HS6ST2: variants seen among roughly 807,000 people sequenced by gnomAD.
HS6ST2 encodes heparan sulfate 6-O-sulfotransferase 2, also known as heparan-sulfate 6-O-sulfotransferase 2.
HS6ST2 carries 17 observed loss-of-function variants against 33.0 expected under a neutral mutation model. The observed-to-expected ratio is 0.52, with a 90% CI of 0.35 to 0.77. The LOEUF is 0.77. HS6ST2 is among the 30% of genes least tolerant of loss of function. The pLI, the probability that HS6ST2 is intolerant of heterozygous loss-of-function variation, is 0.01. For missense variants in HS6ST2, 519 were observed against 551.7 expected (o/e 0.94, Z 0.59); for synonymous variants, 248 against 237.1 (o/e 1.05, Z -0.42).
intron 2 of HS6ST2, among the ~76,000 whole-genome samples, chrX:132,875,625 C>G (rs1326061994): frequency 1.8e-5 from 2 of 112,294 alleles, no homozygotes; most frequent in African/African-American, 6.5e-5. Flanking sequence ...TGGCACAGAT[C>G]TTTCTGGAAA....
intron 2 of HS6ST2, among the ~76,000 whole-genome samples, chrX:132,956,077 A>T (rs2067067961): frequency 8.9e-6 from 1 of 112,067 alleles, no homozygotes; most frequent in Non-Finnish European, 1.9e-5. Flanking sequence ...CAGTAGTGAT[A>T]AGCAAGCCTG....
At chrX:132,780,294 A>T (rs1427371087) in intron 2 of HS6ST2, among the ~76,000 whole-genome samples, 2 of 107,824 alleles carry the variant, frequency 1.9e-5, no homozygotes, top group Non-Finnish European at 3.8e-5. Context: ...TAATTTTTAG[A>T]CCTACCCTCT....
chrX:132,921,665 AC>A (rs767684619), intron 2 of HS6ST2, among the ~76,000 whole-genome samples: 1 of 112,091 alleles, frequency 8.9e-6, no homozygotes, highest in Non-Finnish European at 1.9e-5. Flanking sequence ...ATCAGGTAAA[AC>A]AAAATAAAAC....
chrX:132,852,413 T>G lies in HS6ST2; in HGVS notation c.947+104395A>C, dbSNP rs1244158644. Reference sequence around the variant, plus strand: ...CATAAACCTTATATGTCCCTCTTCCTAGCATCCAATTTCCAGCCCTATTTC... The same window carrying G: ...CATAAACCTTATATGTCCCTCTTCCGAGCATCCAATTTCCAGCCCTATTTC... On this transcript the variant is annotated intron_variant, in intron 2 of 4. Coordinates refer to ENST00000370833, the MANE Select transcript of HS6ST2 (RefSeq NM_001394073.1). 2.7e-5 allele frequency among the ~76,000 whole-genome samples: 3 copies of G among 112,046 alleles called. No homozygotes were observed. The Admixed American group carries it at 2.8e-4, about 11-fold the overall frequency.
intron 2 of HS6ST2, among the ~76,000 whole-genome samples, chrX:132,868,046 T>C (rs1017306454): frequency 1.8e-5 from 2 of 111,919 alleles, no homozygotes; most frequent in African/African-American, 3.2e-5. Context: ...TCCCATCTCA[T>C]GTGCAAAGAC....
intron 3 of HS6ST2, among the ~76,000 whole-genome samples, chrX:132,676,568 C>T (rs2063924914): frequency 9.0e-6 from 1 of 111,711 alleles, no homozygotes; most frequent in African/African-American, 3.2e-5. Context: ...TTATGCTTAT[C>T]CTTAGTTTGA....
At chrX:132,663,682 TA>T (rs1442126988) in intron 4 of HS6ST2, among the ~76,000 whole-genome samples, 1 of 112,647 alleles carries the variant, frequency 8.9e-6, no homozygotes, top group East Asian at 2.8e-4. Context: ...CTACAGCAAT[TA>T]CTGGCAAAGT....
intron 2 of HS6ST2, among the ~76,000 whole-genome samples, chrX:132,851,501 T>A (rs1480720122): frequency 8.9e-6 from 1 of 112,595 alleles, no homozygotes. Flanking sequence ...AATTAAACAA[T>A]GCATGGAAAG....
chrX:132,783,079 T>A (rs761644802), intron 2 of HS6ST2, among the ~76,000 whole-genome samples: 1 of 112,108 alleles, frequency 8.9e-6, no homozygotes, highest in African/African-American at 3.2e-5. Context: ...TATGTCAGGT[T>A]AACCCAGGTT....
chrX:132,890,260 G>C (rs899859865), intron 2 of HS6ST2, among the ~76,000 whole-genome samples: 2 of 109,418 alleles, frequency 1.8e-5, no homozygotes. Flanking sequence ...ACTGAGACTA[G>C]AGAGGACAAT....
rs181014419 is a variant in HS6ST2, at chrX:132,629,694, T to C, written c.1068-601A>G. Among the ~76,000 whole-genome samples the C allele has an allele frequency of 3.6e-3, 400 of 112,371 alleles. 4 individuals carry two copies. The highest frequency in any genetic ancestry group is 0.031 in the Admixed American group (325 of 10,592). On this transcript the variant is annotated intron_variant, in intron 4 of 4. Transcript: ENST00000370833. ...ACTCTTGATTCTGGCTGTTGTCATA[T>C]TATGGCTCATACATTATGGAAGTGG...
chrX:132,760,750 A>T (rs1354875487), intron 2 of HS6ST2, among the ~76,000 whole-genome samples: 1 of 110,791 alleles, frequency 9.0e-6, no homozygotes, highest in African/African-American at 3.3e-5. Context: ...GTAAATGCCC[A>T]CCTTTCCACT....
chrX:132,954,654 C>G (rs771381650), intron 2 of HS6ST2, among the ~76,000 whole-genome samples: 5 of 111,736 alleles, frequency 4.5e-5, no homozygotes, highest in Non-Finnish European at 7.5e-5. Flanking sequence ...TAAAAAGGTG[C>G]CCTTGAGGTA....
chrX:132,666,354 T>C (rs2063809703), intron 4 of HS6ST2, among the ~76,000 whole-genome samples: 1 of 111,616 alleles, frequency 9.0e-6, no homozygotes, highest in African/African-American at 3.3e-5. Flanking sequence ...CCTATAGTAT[T>C]TTATATTTAT....
intron 2 of HS6ST2, among the ~76,000 whole-genome samples, chrX:132,752,977 A>C (rs1451398428): frequency 8.9e-6 from 1 of 112,515 alleles, no homozygotes; most frequent in Non-Finnish European, 1.9e-5. Flanking sequence ...AGGCCCAGGC[A>C]GCAGAGGGGC....
chrX:132,870,928 A>G (rs1437647299), intron 2 of HS6ST2, among the ~76,000 whole-genome samples: 1 of 111,288 alleles, frequency 9.0e-6, no homozygotes, highest in Non-Finnish European at 1.9e-5. Flanking sequence ...ATCTAATTAA[A>G]CTAAACAGCT....
intron 4 of HS6ST2, among the ~76,000 whole-genome samples, chrX:132,663,805 G>A (rs1304075936): frequency 4.5e-5 from 5 of 111,654 alleles, no homozygotes; most frequent in Non-Finnish European, 9.4e-5. Flanking sequence ...ACACACAGTG[G>A]CAAAATTAGT....
At chrX:132,758,992 G>C (rs1569487735) in intron 2 of HS6ST2, among the ~76,000 whole-genome samples, 1 of 111,654 alleles carries the variant, frequency 9.0e-6, no homozygotes, top group South Asian at 3.8e-4. Flanking sequence ...AACCTGGGTG[G>C]TGTGAGTAGA....
At chrX:132,819,002 C>T (rs772305108) in intron 2 of HS6ST2, among the ~76,000 whole-genome samples, 1 of 111,503 alleles carries the variant, frequency 9.0e-6, no homozygotes, top group African/African-American at 3.3e-5. Context: ...TCAATGTATC[C>T]TCCACAGAGG....
Sources: gnomAD v4.1 joint callset for allele counts (sites outside exome capture counted in the v4.1 genomes callset) on GRCh38, gnomAD v4.1.1 for gene constraint, MANE v1.5 for transcripts, NCBI Gene and HGNC (gene_info 2026-07-23, HGNC 2026-07-21) for gene names.